ACER3: variants seen among roughly 807,000 people sequenced by gnomAD.
ACER3 encodes alkaline ceramidase 3.
In ACER3, 16 loss-of-function variants were observed where a neutral mutation model predicts 48.9. That is an observed-to-expected ratio of 0.33 (90% CI 0.22 to 0.50). ACER3 has a LOEUF of 0.50. ACER3 is among the 20% of genes least tolerant of loss of function. The probability of loss-of-function intolerance (pLI) is 0.98; values close to 1 mark genes in which losing one functional copy is unlikely to be tolerated. For missense variants in ACER3, 227 were observed against 326.0 expected (o/e 0.70, Z 2.34); for synonymous variants, 109 against 107.8 (o/e 1.01, Z -0.07).
At chr11:76,964,078 G>T (rs1369691273) in intron 3 of ACER3, among the ~76,000 whole-genome samples, 5 of 151,454 alleles carry the variant, frequency 3.3e-5, no homozygotes, top group Non-Finnish European at 7.3e-5. Context: ...AGAAAGGGGT[G>T]ACCGATGGCA....
intron 7 of ACER3, among the ~76,000 whole-genome samples, chr11:77,004,340 C>T (rs578239110): frequency 6.6e-6 from 1 of 152,336 alleles, no homozygotes; most frequent in Admixed American, 6.5e-5. Flanking sequence ...TCTAAAGTCT[C>T]AGAAGTTATC....
At chr11:77,004,207 G>T (rs1417466994) in intron 7 of ACER3, among the ~76,000 whole-genome samples, 1 of 152,176 alleles carries the variant, frequency 6.6e-6, no homozygotes, top group Non-Finnish European at 1.5e-5. Flanking sequence ...AACTGATACA[G>T]CATGGCCCAA....
At chr11:76,955,454 C>T (rs1947813883) in intron 2 of ACER3, 1 of 152,944 alleles carries the variant, frequency 6.5e-6, no homozygotes, top group Non-Finnish European at 1.5e-5. Context: ...GTTCTGGAGG[C>T]TTGGAAGTCC....
intron 1 of ACER3, among the ~76,000 whole-genome samples, chr11:76,878,213 C>A (rs979555397): frequency 6.6e-6 from 1 of 151,922 alleles, no homozygotes; most frequent in African/African-American, 2.4e-5. Flanking sequence ...GAATATAGGT[C>A]ATGCTCATAT....
At chr11:76,883,437 G>GGTT (rs1565157827) in intron 1 of ACER3, among the ~76,000 whole-genome samples, 1 of 71,918 alleles carries the variant, frequency 1.4e-5, no homozygotes. Context: ...TGATTTTCTT[G>GGTT]CTTTTTTTTT....
Position 76,926,678 on chromosome 11 carries a change from C to T in ACER3, c.214+11C>T. On this transcript the variant is annotated intron_variant, in intron 2 of 10. Transcript: ENST00000532485. ...ATTTAGCACTCACAGGTATGTATAA[C>T]ACTGTATCTGAAGAAATGTACAGTA... 3.3e-6 allele frequency: 5 copies of T among 1,507,432 alleles called. No individual in the cohort carries two copies. The highest frequency in any genetic ancestry group is 3.7e-6 in the Non-Finnish European group (4 of 1,085,880). 93.4% of individuals were successfully genotyped at this position (1,507,432 alleles called of 1,614,324 possible). A position where few individuals can be genotyped will look rare whatever the true frequency, so the allele number is the denominator to read the frequency against.
At chr11:77,006,837 G>A (rs1399901061) in intron 7 of ACER3, among the ~76,000 whole-genome samples, 1 of 151,958 alleles carries the variant, frequency 6.6e-6, no homozygotes. Flanking sequence ...ACATGTTTGA[G>A]CAGGGCTCAT....
At chr11:76,932,357 A>G (rs954935062) in intron 2 of ACER3, among the ~76,000 whole-genome samples, 1 of 152,192 alleles carries the variant, frequency 6.6e-6, no homozygotes, top group Non-Finnish European at 1.5e-5. Flanking sequence ...ACTGTAAGCT[A>G]TAGTGAATCA....
chr11:76,941,195 A>T (rs952416108), intron 2 of ACER3, among the ~76,000 whole-genome samples: 8 of 152,288 alleles, frequency 5.3e-5, no homozygotes, highest in African/African-American at 1.9e-4. Context: ...AAAACCCCAT[A>T]ACAACTGCTT....
chr11:76,948,625 G>C (rs1318457132), intron 2 of ACER3, among the ~76,000 whole-genome samples: 1 of 152,092 alleles, frequency 6.6e-6, no homozygotes, highest in Non-Finnish European at 1.5e-5. Flanking sequence ...TCATATACCA[G>C]GCTGCTGATG....
At chr11:76,914,747 G>A (rs183168105) in intron 1 of ACER3, among the ~76,000 whole-genome samples, 4 of 152,118 alleles carry the variant, frequency 2.6e-5, no homozygotes, top group Admixed American at 6.6e-5. Context: ...ACATGCATAC[G>A]TATGTTTGTT....
At chr11:76,968,504 A>C (rs1948201739) in intron 3 of ACER3, among the ~76,000 whole-genome samples, 1 of 152,222 alleles carries the variant, frequency 6.6e-6, no homozygotes. Flanking sequence ...AAGCCAAAAG[A>C]ACAAAGCTGG....
At chr11:76,940,997 A>C (rs1590964458) in intron 2 of ACER3, among the ~76,000 whole-genome samples, 1 of 140,694 alleles carries the variant, frequency 7.1e-6, no homozygotes, top group African/African-American at 2.6e-5. Context: ...TCCCCACCAA[A>C]TATGTGTGTG....
intron 7 of ACER3, among the ~76,000 whole-genome samples, chr11:77,005,401 G>A (rs749760616): frequency 6.6e-6 from 1 of 152,058 alleles, no homozygotes; most frequent in Non-Finnish European, 1.5e-5. Context: ...CATTTTACCA[G>A]TTCCAGTAAA....
intron 1 of ACER3, among the ~76,000 whole-genome samples, chr11:76,867,600 T>A (rs1016522173): frequency 6.6e-6 from 1 of 151,644 alleles, no homozygotes; most frequent in African/African-American, 2.4e-5. Context: ...ACATATTTGA[T>A]CATGGAATGT....
At chr11:76,934,575 C>G (rs1013960034) in intron 2 of ACER3, among the ~76,000 whole-genome samples, 2 of 152,222 alleles carry the variant, frequency 1.3e-5, no homozygotes, top group African/African-American at 4.8e-5. Flanking sequence ...ATCGCAGGCA[C>G]TCGGCAGGCT....
chr11:76,891,931 A>T (rs1210935757), intron 1 of ACER3, among the ~76,000 whole-genome samples: 2 of 152,264 alleles, frequency 1.3e-5, no homozygotes, highest in African/African-American at 2.4e-5. Context: ...CTTAACAATT[A>T]GTATAGACTA....
At chr11:76,877,451 C>T (rs1945409994) in intron 1 of ACER3, among the ~76,000 whole-genome samples, 1 of 152,134 alleles carries the variant, frequency 6.6e-6, no homozygotes. Context: ...AGATAAGATA[C>T]TTTTCCTGAA....
At chr11:77,016,012 C>G (rs1949359202) in intron 8 of ACER3, among the ~76,000 whole-genome samples, 1 of 150,570 alleles carries the variant, frequency 6.6e-6, no homozygotes, top group Non-Finnish European at 1.5e-5. Context: ...GAGGCTGAGG[C>G]AGGAGAATCG....
Sources: allele counts gnomAD v4.1 joint callset (sites outside exome capture counted in the v4.1 genomes callset), GRCh38; gene constraint gnomAD v4.1.1; transcripts MANE v1.5; gene names NCBI Gene and HGNC (gene_info 2026-07-23, HGNC 2026-07-21).